Variants in TRIM44 observed in about 807,000 individuals in gnomAD.
The protein encoded by TRIM44 is tripartite motif containing 44, also known as tripartite motif-containing protein 44.
In TRIM44, 13 loss-of-function variants were observed where a neutral mutation model predicts 37.4. The observed-to-expected ratio is 0.35, with a 90% CI of 0.23 to 0.55. The LOEUF (loss-of-function observed/expected upper bound fraction) is 0.55. TRIM44 is among the 20% of genes least tolerant of loss of function. The pLI, the probability that TRIM44 is intolerant of heterozygous loss-of-function variation, is 0.89. For synonymous variants in TRIM44, 175 were observed against 157.2 expected (o/e 1.11, Z -0.85); for missense variants, 426 against 437.2 (o/e 0.97, Z 0.23).
chr11:35,778,364 G>T (rs2938185), intron 4 of TRIM44, among the ~76,000 whole-genome samples: 152,277 of 152,278 alleles, frequency 1, 76,138 homozygotes, highest in Middle Eastern at 1. Flanking sequence ...ATCTAACCTT[G>T]TTTCAAGGTT....
intron 4 of TRIM44, among the ~76,000 whole-genome samples, chr11:35,755,070 G>T (rs1852616046): frequency 6.6e-6 from 1 of 152,128 alleles, no homozygotes; most frequent in Non-Finnish European, 1.5e-5. Context: ...GATCCCTGAG[G>T]AATCACCACA....
At chr11:35,771,326 A>G (rs939448436) in intron 4 of TRIM44, among the ~76,000 whole-genome samples, 1 of 152,214 alleles carries the variant, frequency 6.6e-6, no homozygotes, top group African/African-American at 2.4e-5. Context: ...CCCCTGCCCT[A>G]GAAATTTTTG....
chr11:35,759,679 G>A (rs1443579603), intron 4 of TRIM44, among the ~76,000 whole-genome samples: 1 of 152,144 alleles, frequency 6.6e-6, no homozygotes, highest in African/African-American at 2.4e-5. Flanking sequence ...TGGGGTTTTG[G>A]TGTGGATGTC....
intron 2 of TRIM44, among the ~76,000 whole-genome samples, chr11:35,724,932 A>T (rs956929464): frequency 1.6e-4 from 24 of 152,318 alleles, no homozygotes; most frequent in Non-Finnish European, 2.4e-4. Flanking sequence ...AAACATCTTT[A>T]AAAAACTCAT....
At chr11:35,789,744 C>G (rs934115155) in intron 4 of TRIM44, among the ~76,000 whole-genome samples, 1 of 152,178 alleles carries the variant, frequency 6.6e-6, no homozygotes, top group Admixed American at 6.5e-5. Context: ...GGCATATTCC[C>G]CTGGTGCTCC....
rs138821814 is a variant in TRIM44, at chr11:35,684,293, G to A, written c.670-966G>A. On this transcript the variant is annotated intron_variant, in intron 1 of 4. Coordinates refer to ENST00000299413, the MANE Select transcript of TRIM44 (RefSeq NM_017583.6). ...AAATCTCATGTTGAAATTGCATGTT[G>A]TAATGATATTTTGAATATACTGAGT... Among the ~76,000 whole-genome samples, 257 of 152,218 alleles carry A rather than the reference G, an allele frequency of 1.7e-3. 1 individual carries two copies. The highest frequency in any genetic ancestry group is 5.9e-3 in the African/African-American group (245 of 41,540).
intron 2 of TRIM44, among the ~76,000 whole-genome samples, chr11:35,714,915 G>T (rs1336572690): frequency 6.6e-6 from 1 of 152,142 alleles, no homozygotes; most frequent in Non-Finnish European, 1.5e-5. Context: ...CAAGTCCTGG[G>T]TGTCTCTGGG....
Position 35,730,614 on chromosome 11 carries a change from T to A in TRIM44, c.987+4451T>A, listed in dbSNP as rs12277361. ...GAGTAGCTAAAGAGAAATGACACAT[T>A]AGCTCTGCAGAACAGCAGTATGAAT... On this transcript the variant is annotated intron_variant, in intron 3 of 4. Coordinates refer to ENST00000299413, the MANE Select transcript of TRIM44 (RefSeq NM_017583.6). 7.3e-3 allele frequency among the ~76,000 whole-genome samples: 1,106 copies of A among 152,230 alleles called. 19 individuals are homozygous for A. The highest frequency in any genetic ancestry group is 0.026 in the African/African-American group (1,060 of 41,546).
chr11:35,778,229 T>G (rs912324448), intron 4 of TRIM44, among the ~76,000 whole-genome samples: 1 of 152,218 alleles, frequency 6.6e-6, no homozygotes, highest in African/African-American at 2.4e-5. Flanking sequence ...CTGATACCCT[T>G]TCTTCCACTT....
intron 2 of TRIM44, among the ~76,000 whole-genome samples, chr11:35,694,659 G>A (rs1306106676): frequency 1.3e-5 from 2 of 151,764 alleles, no homozygotes; most frequent in Non-Finnish European, 2.9e-5. Flanking sequence ...TCACATCAAG[G>A]ATGCCGTTTT....
chr11:35,796,094 T>C (rs1853282044), intron 4 of TRIM44, among the ~76,000 whole-genome samples: 1 of 152,210 alleles, frequency 6.6e-6, no homozygotes, highest in African/African-American at 2.4e-5. Flanking sequence ...TCCATATTCA[T>C]AACCCGCTGC....
chr11:35,670,619 T>C (rs965995467), intron 1 of TRIM44, among the ~76,000 whole-genome samples: 1 of 152,216 alleles, frequency 6.6e-6, no homozygotes, highest in African/African-American at 2.4e-5. Context: ...AAATACTCCA[T>C]TGAGTGTCAT....
chr11:35,674,604 A>C (rs1356599542), intron 1 of TRIM44, among the ~76,000 whole-genome samples: 1 of 152,204 alleles, frequency 6.6e-6, no homozygotes, highest in Non-Finnish European at 1.5e-5. Flanking sequence ...ATTAGCAAAT[A>C]CATTCATTAT....
intron 4 of TRIM44, among the ~76,000 whole-genome samples, chr11:35,778,014 C>T (rs988690672): frequency 3.9e-5 from 6 of 152,148 alleles, no homozygotes; most frequent in Admixed American, 3.9e-4. Flanking sequence ...CCTTGCTAGG[C>T]TGGGGAAGTT....
intron 4 of TRIM44, among the ~76,000 whole-genome samples, chr11:35,789,715 G>A (rs1443691070): frequency 1.3e-5 from 2 of 152,252 alleles, no homozygotes; most frequent in East Asian, 3.9e-4. Context: ...GGGCGACCGG[G>A]CCTTACTCAG....
intron 4 of TRIM44, among the ~76,000 whole-genome samples, chr11:35,738,152 G>A (rs907605906): frequency 5.3e-5 from 8 of 152,196 alleles, no homozygotes; most frequent in Non-Finnish European, 1.2e-4. Flanking sequence ...CAGGATAGCA[G>A]TGGCATTTCT....
chr11:35,815,231 T>C lies in TRIM44; in HGVS notation c.*8846T>C, dbSNP rs1853569122. ...TGAGGGTGGCCATTTGTTGCCTCAC[T>C]GTTTTTATTAGGACATCTGGAGATT... On this transcript the variant is annotated 3_prime_UTR_variant, in exon 5 of 5. Transcript: ENST00000299413. The C allele has an allele frequency of 6.6e-6, 1 of 152,214 alleles. No homozygotes were observed. 9.4% of individuals were successfully genotyped at this position (152,214 alleles called of 1,614,324 possible).
In TRIM44 at chr11:35,815,064, A is replaced by G. The variant is rs2957947; in HGVS notation, c.*8679A>G. ...TTGAAGCCATGCCACTACAGGATAC[A>G]TTCACCTCTGCTTGCTTTCCTCCCT... On this transcript the variant is annotated 3_prime_UTR_variant, in exon 5 of 5. Coordinates refer to ENST00000299413, the MANE Select transcript of TRIM44 (RefSeq NM_017583.6). The G allele has an allele frequency of 0.21, 32,224 of 152,018 alleles. 3,943 individuals are homozygous for G. Among genetic ancestry groups the G allele is most frequent in the Admixed American group, 0.39 (5,892 of 15,246 alleles). 9.4% of individuals were successfully genotyped at this position (152,018 alleles called of 1,614,324 possible). A position where few individuals can be genotyped will look rare whatever the true frequency, so the allele number is the denominator to read the frequency against.
At chr11:35,676,627 C>A (rs1851462746) in intron 1 of TRIM44, among the ~76,000 whole-genome samples, 1 of 152,126 alleles carries the variant, frequency 6.6e-6, no homozygotes, top group African/African-American at 2.4e-5. Flanking sequence ...GAGGTGGGGA[C>A]AAGATACTCT....
Sources: gnomAD v4.1 joint callset for allele counts (sites outside exome capture counted in the v4.1 genomes callset) on GRCh38, gnomAD v4.1.1 for gene constraint, MANE v1.5 for transcripts, NCBI Gene and HGNC (gene_info 2026-07-23, HGNC 2026-07-21) for gene names.